MAP3K7: variants seen among roughly 807,000 people sequenced by gnomAD.
The protein encoded by MAP3K7 is mitogen-activated protein kinase kinase kinase 7.
Under a neutral mutation model 84.8 loss-of-function variants are expected in MAP3K7, and 21 were observed. The ratio of observed to expected loss-of-function variants is 0.25; its 90% CI spans 0.18 to 0.36. The LOEUF (loss-of-function observed/expected upper bound fraction) is 0.36, where lower values mean the gene tolerates loss of function less well. Ranked by LOEUF, MAP3K7 falls within the 10% of genes least tolerant of loss-of-function variation. MAP3K7 has a pLI of 1.00. For missense variants in MAP3K7, 503 were observed against 747.7 expected, an observed-to-expected ratio of 0.67 and a Z score of 3.82; for synonymous variants, 241 against 247.7, an observed-to-expected ratio of 0.97 and a Z score of 0.25.
At chr6:90,523,915 C>A (rs1425932912) in intron 13 of MAP3K7, 132 bp from the exon 14 acceptor site, 1 of 595,234 alleles carries the variant, frequency 1.7e-6, no homozygotes, top group Non-Finnish European at 3.0e-6. Context: ...AAAATAAATC[C>A]TCTCTTATAT....
intron 8 of MAP3K7, 37 bp downstream of exon 8, chr6:90,552,012 C>A: frequency 6.4e-7 from 1 of 1,570,062 alleles, no homozygotes; most frequent in Non-Finnish European, 8.7e-7. Flanking sequence ...ATATTAAATT[C>A]CCCTAAATCC....
intron 1 of MAP3K7, among the ~76,000 whole-genome samples, chr6:90,573,078 C>A (rs1776958749): frequency 6.6e-6 from 1 of 152,140 alleles, no homozygotes; most frequent in Non-Finnish European, 1.5e-5. Flanking sequence ...TTACACAGGC[C>A]TAGAGGAAGG....
intron 2 of MAP3K7, among the ~76,000 whole-genome samples, chr6:90,568,890 A>G (rs772298488): frequency 2.0e-5 from 3 of 152,230 alleles, no homozygotes; most frequent in Non-Finnish European, 2.9e-5. Flanking sequence ...GCAAAGTGCT[A>G]TAACAGGAGT....
At chr6:90,559,544 TA>T (rs1776441417) in intron 5 of MAP3K7, among the ~76,000 whole-genome samples, 1 of 152,232 alleles carries the variant, frequency 6.6e-6, no homozygotes, top group African/African-American at 2.4e-5. Context: ...TCTTTTAAAA[TA>T]CTTATCTAAG....
chr6:90,583,642 T>C lies in MAP3K7; in HGVS notation c.120+3122A>G, dbSNP rs186632933. 2.0e-5 allele frequency among the ~76,000 whole-genome samples: 3 copies of C among 152,356 alleles called. No individual in the cohort carries two copies. In the East Asian group the frequency reaches 5.8e-4, roughly 29 times the overall value. ...AACTGGAAAAGACCTTAAATGATCT[T>C]GTTCAGTCAGTTTACATGAGTAACC... On this transcript the variant is annotated intron_variant, in intron 1 of 16. Transcript: ENST00000369329.
At chr6:90,546,233 C>G (rs980715620) in intron 11 of MAP3K7, among the ~76,000 whole-genome samples, 2 of 151,818 alleles carry the variant, frequency 1.3e-5, no homozygotes, top group Non-Finnish European at 2.9e-5. Flanking sequence ...TATGATGGTC[C>G]ATCTTGACAA....
At chr6:90,586,232 C>A (rs1486808431) in intron 1 of MAP3K7, among the ~76,000 whole-genome samples, 1 of 151,382 alleles carries the variant, frequency 6.6e-6, no homozygotes, top group Non-Finnish European at 1.5e-5. Flanking sequence ...ATTAGCCAGG[C>A]GCGGTGGCGG....
At chr6:90,542,283 A>C in intron 12 of MAP3K7, 2 of 983,920 alleles carry the variant, frequency 2.0e-6, no homozygotes, top group Non-Finnish European at 2.4e-6. Flanking sequence ...TTTTATGTCC[A>C]CTAGTGTCAA....
At chr6:90,585,513 T>C (rs187971413) in intron 1 of MAP3K7, among the ~76,000 whole-genome samples, 64 of 152,306 alleles carry the variant, frequency 4.2e-4, no homozygotes, top group Non-Finnish European at 7.8e-4. Flanking sequence ...CGCAAAGTGC[T>C]TAATAAATTT....
chr6:90,571,745 A>G lies in MAP3K7; in HGVS notation c.183T>C (p.Ala61=). 6.2e-7 allele frequency: 1 copy of G among 1,606,612 alleles called. No individual in the cohort carries two copies. Among genetic ancestry groups the G allele is most frequent in the Non-Finnish European group, 8.5e-7 (1 of 1,176,796 alleles). The change falls in exon 2 of 17, where the codon GCT becomes GCC. Residue 61 remains alanine (A), a synonymous_variant. Coordinates refer to ENST00000369329, the MANE Select transcript of MAP3K7 (RefSeq NM_145331.3). ...CAGATTCACTTTCTATTTGTTTAATAGCAACATCTTTTGCTCTCCACTTAG... is the reference window on the plus strand; with the variant it reads ...CAGATTCACTTTCTATTTGTTTAATGGCAACATCTTTTGCTCTCCACTTAG... ...CKAKWRAKDV[A]IKQIESESER...
rs1428164022 is a variant in MAP3K7, at chr6:90,514,514, A to G, written c.*1987T>C. On this transcript the variant is annotated 3_prime_UTR_variant, in exon 17 of 17. Coordinates refer to ENST00000369329, the MANE Select transcript of MAP3K7 (RefSeq NM_145331.3). ...TCCATTTACCTATCTGGATATTTTT[A>G]TGAAATGACTACATGTAAAAACCAT... 6.7e-6 allele frequency: 1 copy of G among 149,080 alleles called. No homozygotes were observed. Among genetic ancestry groups the G allele is most frequent in the Non-Finnish European group, 1.5e-5 (1 of 67,294 alleles). The allele number at this position is 149,080 out of a possible 1,614,324, so 9.2% of individuals were successfully genotyped here.
rs372797110 is a variant in MAP3K7, at chr6:90,548,195, A to G, written c.950-18T>C. ...GAATGAGCCTAGGAAAAGCAGAAAC[A>G]TTTATGACTAATGGCTGGAAATAAT... On this transcript the variant is annotated intron_variant, in intron 9 of 16. Coordinates refer to ENST00000369329, the MANE Select transcript of MAP3K7 (RefSeq NM_145331.3). The G allele has an allele frequency of 2.0e-4, 325 of 1,596,116 alleles. No individual in the cohort carries two copies. The highest frequency in any genetic ancestry group is 2.7e-4 in the Non-Finnish European group (315 of 1,172,178).
Position 90,552,091 on chromosome 6 carries a change from A to C in MAP3K7, c.825T>G (p.Pro275=), listed in dbSNP as rs765136202. 3.2e-5 allele frequency: 52 copies of C among 1,612,180 alleles called. No individual in the cohort carries two copies. The highest frequency in any genetic ancestry group is 4.3e-5 in the Non-Finnish European group (51 of 1,178,712). The change falls in exon 8 of 17, where the codon CCT becomes CCG. Residue 275 remains proline (P), a synonymous_variant. Transcript: ENST00000369329. ...TTATTTTCACAATTTCCTCCATTGAAGGGCGCTGGGAAGGATCTTTAGACC... is the reference window on the plus strand; with the variant it reads ...TTATTTTCACAATTTCCTCCATTGACGGGCGCTGGGAAGGATCTTTAGACC... ...RCWSKDPSQR[P]SMEEIVKIMT...
chr6:90,560,306 G>T (rs933920885), intron 4 of MAP3K7, 92 bp from the exon 5 acceptor site: 22 of 1,310,756 alleles, frequency 1.7e-5, no homozygotes, highest in Admixed American at 9.9e-5. Context: ...ACATGACTGG[G>T]TATTTTTCTA....
At chr6:90,571,603 A>T in intron 2 of MAP3K7, 94 bp downstream of exon 2, 1 of 654,588 alleles carries the variant, frequency 1.5e-6, no homozygotes. Flanking sequence ...TATACAAAGA[A>T]ATGACATCTG....
chr6:90,586,751 G>A lies in MAP3K7; in HGVS notation c.120+13C>T, dbSNP rs369899231. ...AGGCCGGGACCGGCGTCTCCATGCC[G>A]GGCCTCGCTCACCTCTTCCACCTCG... On this transcript the variant is annotated intron_variant, in intron 1 of 16. Transcript: ENST00000369329. The A allele has an allele frequency of 8.3e-6, 13 of 1,574,198 alleles. No homozygotes were observed. Among genetic ancestry groups the A allele is most frequent in the Middle Eastern group, 1.7e-4 (1 of 5,812 alleles).
chr6:90,517,025 C>T (rs1753826), intron 16 of MAP3K7, among the ~76,000 whole-genome samples: 36,321 of 151,672 alleles, frequency 0.24, 4,649 homozygotes, highest in Middle Eastern at 0.29. Context: ...GGGAAAATAT[C>T]ATGAAGTTTT....
chr6:90,550,746 T>C, intron 8 of MAP3K7, 197 bp from the exon 9 acceptor site: 1 of 448,486 alleles, frequency 2.2e-6, no homozygotes, highest in Non-Finnish European at 4.0e-6. Flanking sequence ...TAGCTTACAT[T>C]GGAGTCTAGA....
In MAP3K7 at chr6:90,569,600, C is replaced by A. The variant is rs947677420; in HGVS notation, c.232-977G>T. On this transcript the variant is annotated intron_variant, in intron 2 of 16. Transcript: ENST00000369329. ...GACTCATGCAATCCTACCTCAGCCT[C>A]TGGAGTAGCTGGGACTACAGGTGCA... Among the ~76,000 whole-genome samples the A allele has an allele frequency of 2.6e-5, 4 of 152,130 alleles. No individual in the cohort carries two copies. The South Asian group carries it at 8.3e-4, about 32-fold the overall frequency.
Sources: gnomAD v4.1 joint callset for allele counts (sites outside exome capture counted in the v4.1 genomes callset) on GRCh38, gnomAD v4.1.1 for gene constraint, MANE v1.5 for transcripts, NCBI Gene and HGNC (gene_info 2026-07-23, HGNC 2026-07-21) for gene names.